Variants in SEL1L3 observed in about 807,000 individuals in gnomAD.
SEL1L3 encodes the protein protein sel-1 homolog 3.
SEL1L3 carries 76 observed loss-of-function variants against 142.8 expected under a neutral mutation model. That is an observed-to-expected ratio of 0.53 (90% CI 0.44 to 0.64). SEL1L3 has a LOEUF of 0.64. SEL1L3 is among the 30% of genes least tolerant of loss of function. The probability of loss-of-function intolerance (pLI) is 0.00; values close to 1 mark genes in which losing one functional copy is unlikely to be tolerated. For missense variants in SEL1L3, 1,262 were observed against 1,381.7 expected (o/e 0.91, Z 1.37); for synonymous variants, 504 against 519.6 (o/e 0.97, Z 0.41).
intron 22 of SEL1L3, 23 bp from the exon 23 acceptor site, chr4:25,757,629 T>C: frequency 6.4e-7 from 1 of 1,556,826 alleles, no homozygotes; most frequent in Non-Finnish European, 8.7e-7. Flanking sequence ...GAAGCACGCA[T>C]TAGTGACTGA....
intron 1 of SEL1L3, among the ~76,000 whole-genome samples, chr4:25,850,466 A>T (rs750708280): frequency 2.6e-5 from 4 of 152,232 alleles, no homozygotes; most frequent in Non-Finnish European, 5.9e-5. Context: ...TGTAGGAAGC[A>T]TGCCCTCTTA....
chr4:25,845,602 A>T (rs1272374012), intron 2 of SEL1L3, among the ~76,000 whole-genome samples: 1 of 152,220 alleles, frequency 6.6e-6, no homozygotes, highest in African/African-American at 2.4e-5. Flanking sequence ...TTTTCATTAT[A>T]TGCAGAGCTG....
Position 25,812,762 on chromosome 4 carries a change from C to T in SEL1L3, c.1564+5376G>A, listed in dbSNP as rs185272894. Among the ~76,000 whole-genome samples, 31 of 144,742 alleles carry T rather than the reference C, an allele frequency of 2.1e-4. 1 individual carries two copies. Among genetic ancestry groups the T allele is most frequent in the African/African-American group, 6.2e-4 (24 of 38,966 alleles). 95.0% of individuals were successfully genotyped at this position (144,742 alleles called of 152,430 possible). The stretch of plus-strand genomic sequence containing the variant: ...GTGCAGTGGCTCATGCCTATAATCC[C>T]AGCACTTTGGGAGGCTGAGGCAGGT... On this transcript the variant is annotated intron_variant, in intron 9 of 23. Transcript: ENST00000399878.
chr4:25,832,727 T>C (rs1715524754), intron 5 of SEL1L3, among the ~76,000 whole-genome samples: 1 of 152,232 alleles, frequency 6.6e-6, no homozygotes, highest in African/African-American at 2.4e-5. Flanking sequence ...CTTGCTCAGA[T>C]CAGTATGGCT....
At chr4:25,830,674 C>T (rs1429610451) in intron 5 of SEL1L3, among the ~76,000 whole-genome samples, 9 of 152,174 alleles carry the variant, frequency 5.9e-5, no homozygotes. Flanking sequence ...CTCATATGGG[C>T]TCTTCTCATG....
At chr4:25,743,414 C>T (rs1340689519), downstream of SEL1L3, among the ~76,000 whole-genome samples, 1 of 152,094 alleles carries the variant, frequency 6.6e-6, no homozygotes, top group African/African-American at 2.4e-5. Flanking sequence ...GGTCTCAGTC[C>T]ATTTAGGAAG....
Position 25,748,535 on chromosome 4 carries a change from C to G in SEL1L3, c.3289G>C (p.Ala1097Pro). ...GTGGACGTGGCAGTGTCTGGGGAGG[C>G]CTGGGATGGTCTTGGAGGGGGATCG... is the stretch of plus-strand genomic sequence containing the variant. Reference protein sequence around the residue: ...ASDPPPRPSQASPDTATSTAS... With the variant: ...ASDPPPRPSQPSPDTATSTAS... The change falls in exon 24 of 24, where the codon GCC becomes CCC. Residue 1097 changes from alanine to proline, a missense_variant. Ala to Pro is a conservative substitution (Grantham distance 27). This residue lies in a region of SEL1L3 where 138 missense variants were observed against 129.7 expected (regional missense o/e 1.06). Transcript: ENST00000399878. 6.2e-7 allele frequency: 1 copy of G among 1,611,480 alleles called. No individual in the cohort carries two copies. Among genetic ancestry groups the G allele is most frequent in the Admixed American group, 1.7e-5 (1 of 59,542 alleles).
At chr4:25,830,059 T>C (rs1229602110) in intron 6 of SEL1L3, 39 bp downstream of exon 6, 4 of 1,389,918 alleles carry the variant, frequency 2.9e-6, no homozygotes, top group Non-Finnish European at 4.1e-6. Flanking sequence ...TTAACTCGCA[T>C]GCAGGCAAAT....
intron 1 of SEL1L3, 47 bp downstream of exon 1, chr4:25,862,628 C>G: frequency 2.7e-6 from 3 of 1,119,016 alleles, no homozygotes; most frequent in South Asian, 3.7e-5. Context: ...CCCGCGTCCC[C>G]GGGGCCCCGC....
At chr4:25,744,556 G>A (rs201348621), downstream of SEL1L3, among the ~76,000 whole-genome samples, 2 of 152,068 alleles carry the variant, frequency 1.3e-5, no homozygotes, top group South Asian at 2.1e-4. Flanking sequence ...GTTTCACCAC[G>A]TTGGCCAGGC....
Position 25,818,176 on chromosome 4 carries a change from C to G in SEL1L3, c.1526G>C (p.Ser509Thr), listed in dbSNP as rs1204682049. ...WEKELKDKHPSLFQALLEMDL... is the reference protein window; with the variant it reads ...WEKELKDKHPTLFQALLEMDL... ...CATCTCCAGCAATGCCTGGAACAAG[C>G]TGGGGTGTTTGTCTTTCAGCTCCTT... Residue 509 changes from serine to threonine, a missense_variant, in exon 9 of 24, where the codon AGC becomes ACC. By Grantham distance (58) the Ser-to-Thr change is moderately conservative. Coordinates refer to ENST00000399878, the MANE Select transcript of SEL1L3 (RefSeq NM_015187.5). 2 of 1,610,770 alleles carry G rather than the reference C, an allele frequency of 1.2e-6. No homozygotes were observed. Among genetic ancestry groups the G allele is most frequent in the Admixed American group, 1.7e-5 (1 of 59,618 alleles).
At chr4:25,792,562 G>A (rs1221838020) in intron 11 of SEL1L3, among the ~76,000 whole-genome samples, 1 of 152,244 alleles carries the variant, frequency 6.6e-6, no homozygotes, top group African/African-American at 2.4e-5. Flanking sequence ...GCTGAAGCCT[G>A]AGCTGCCCTG....
chr4:25,818,328 G>A, intron 8 of SEL1L3, 50 bp from the exon 9 acceptor site: 1 of 1,496,988 alleles, frequency 6.7e-7, no homozygotes, highest in East Asian at 2.5e-5. Flanking sequence ...CAGAAGATAA[G>A]ACTCACCTCC....
intron 1 of SEL1L3, among the ~76,000 whole-genome samples, chr4:25,850,562 A>G (rs1042855238): frequency 6.6e-6 from 1 of 152,222 alleles, no homozygotes; most frequent in Admixed American, 6.5e-5. Context: ...CACCCTCTGG[A>G]CCAATAATTT....
At chr4:25,830,049 T>C (rs775071542) in intron 6 of SEL1L3, 49 bp downstream of exon 6, 1 of 1,212,746 alleles carries the variant, frequency 8.2e-7, no homozygotes, top group Non-Finnish European at 1.2e-6. Context: ...TGAAGATTCC[T>C]TAACTCGCAT....
At chr4:25,781,140 C>A (rs1719973191) in intron 15 of SEL1L3, among the ~76,000 whole-genome samples, 2 of 152,100 alleles carry the variant, frequency 1.3e-5, no homozygotes, top group Non-Finnish European at 1.5e-5. Context: ...CCACCACTCT[C>A]AGCCCTCCTG....
At position 25,804,678 on chromosome 4, in the gene SEL1L3, T is replaced by C; in HGVS notation, c.1639A>G (p.Ser547Gly). Residue 547 changes from serine (S) to glycine (G), a missense_variant, in exon 10 of 24, where the codon AGC becomes GGC. Around this residue, in one of 3 missense-constraint regions of SEL1L3, gnomAD observed 689 missense variants for 692.8 expected, o/e 0.99. Transcript: ENST00000399878. ...IFEKAVKRLS[S>G]IDGLHQISSI... The stretch of plus-strand genomic sequence containing the variant: ...CTAATTTGGTGAAGACCATCAATGC[T>C]AGAGAGTCTCTTTACAGCCTTCTCA... The C allele has an allele frequency of 6.2e-7, 1 of 1,613,848 alleles. No individual in the cohort carries two copies. Among genetic ancestry groups the C allele is most frequent in the Middle Eastern group, 1.7e-4 (1 of 6,056 alleles).
In SEL1L3 at chr4:25,804,592, G is replaced by A. The variant is rs1376375472; in HGVS notation, c.1725C>T (p.Tyr575=). 1.5e-5 allele frequency: 25 copies of A among 1,613,664 alleles called. No homozygotes were observed. In the East Asian group the frequency reaches 3.3e-4, roughly 22 times the overall value. The part of the protein sequence containing the change: ...SCCGYHKASY[Y]LAVFYETGLN... The stretch of plus-strand genomic sequence containing the variant: ...ATCCAGTCTCATAAAAGACTGCAAG[G>A]TAGTAGGATGCTTTATGGTATCCAC... The change falls in exon 10 of 24, where the codon TAC becomes TAT. Residue 575 remains tyrosine, a synonymous_variant. Transcript: ENST00000399878.
rs1717820633 is a variant in SEL1L3 at position 25,862,789 on chromosome 4, C to T, written c.48G>A (p.Gln16=). 3.4e-6 allele frequency: 4 copies of T among 1,175,372 alleles called. No homozygotes were observed. The highest frequency in any genetic ancestry group is 7.6e-5 in the East Asian group (2 of 26,388). The allele number at this position is 1,175,372 out of a possible 1,614,324, so 72.8% of individuals were successfully genotyped here. Residue 16 remains glutamine (Q), a synonymous_variant, in exon 1 of 24, where the codon CAG becomes CAA. Transcript: ENST00000399878. ...GGCCGACCGCGAGCGGCGGGGGTTG[C>T]TGCTGCTGCTGCCGCGGCCACCCGA... The part of the protein sequence containing the change: ...AGLGWPRQQQ[Q]QPPPLAVGPR...
Sources: gnomAD v4.1 joint callset for allele counts (sites outside exome capture counted in the v4.1 genomes callset) on GRCh38, gnomAD v4.1.1 for gene constraint, gnomAD v4.1.1 regional missense constraint, MANE v1.5 for transcripts, NCBI Gene and HGNC (gene_info 2026-07-23, HGNC 2026-07-21) for gene names.